SHISA9: variants seen among roughly 807,000 people sequenced by gnomAD.
SHISA9 encodes protein shisa-9.
SHISA9 carries 13 observed loss-of-function variants against 38.0 expected under a neutral mutation model. The observed-to-expected ratio is 0.34, with a 90% CI of 0.22 to 0.54. The LOEUF is 0.54. Ranked by LOEUF, SHISA9 falls within the 20% of genes least tolerant of loss-of-function variation. The probability of loss-of-function intolerance (pLI) is 0.91; values close to 1 mark genes in which losing one functional copy is unlikely to be tolerated. For missense variants in SHISA9, 538 were observed against 575.8 expected, an observed-to-expected ratio of 0.93 and a Z score of 0.67; for synonymous variants, 275 against 242.0, an observed-to-expected ratio of 1.14 and a Z score of -1.27.
chr16:13,403,970 A>G, the SHISA9 span, among the ~76,000 whole-genome samples: 1 of 152,160 alleles, frequency 6.6e-6, no homozygotes, highest in African/African-American at 2.4e-5. Flanking sequence ...TCAGAGTTTG[A>G]TGTTTCTTCT....
chr16:13,318,618 G>A, the SHISA9 span, among the ~76,000 whole-genome samples: 1 of 152,102 alleles, frequency 6.6e-6, no homozygotes, highest in African/African-American at 2.4e-5. Flanking sequence ...ACCGTGCCTG[G>A]CCCTCCAGAC....
At chr16:13,454,311 G>A in the SHISA9 span, among the ~76,000 whole-genome samples, 1 of 152,194 alleles carries the variant, frequency 6.6e-6, no homozygotes, top group African/African-American at 2.4e-5. Flanking sequence ...ATAGGCAGAA[G>A]GAAGAAGAGC....
chr16:13,495,801 A>G, the SHISA9 span, among the ~76,000 whole-genome samples: 1 of 152,190 alleles, frequency 6.6e-6, no homozygotes, highest in South Asian at 2.1e-4. Flanking sequence ...GCAAAGTTAA[A>G]TCTACATTGA....
the SHISA9 span, among the ~76,000 whole-genome samples, chr16:13,277,194 C>T: frequency 6.6e-6 from 1 of 151,762 alleles, no homozygotes; most frequent in African/African-American, 2.4e-5. Flanking sequence ...CTTTATGATT[C>T]TATTTGCTTT....
At chr16:13,130,426 T>C (rs2050296614) in intron 2 of SHISA9, among the ~76,000 whole-genome samples, 1 of 152,114 alleles carries the variant, frequency 6.6e-6, no homozygotes. Context: ...GTTTGTTTGT[T>C]TGTTTTGTTA....
the SHISA9 span, among the ~76,000 whole-genome samples, chr16:13,367,687 C>T: frequency 3.5e-4 from 48 of 136,644 alleles, no homozygotes; most frequent in Non-Finnish European, 5.1e-4. Context: ...GAAGTGTACA[C>T]GCGTGTGCGT....
chr16:13,289,928 G>T, the SHISA9 span, among the ~76,000 whole-genome samples: 1 of 152,168 alleles, frequency 6.6e-6, no homozygotes, highest in African/African-American at 2.4e-5. Flanking sequence ...ACATCACTAG[G>T]TATGGTGATT....
chr16:13,518,945 T>G, the SHISA9 span, among the ~76,000 whole-genome samples: 1 of 152,162 alleles, frequency 6.6e-6, no homozygotes, highest in African/African-American at 2.4e-5. Context: ...GGAAACCCAC[T>G]TCCACAATAA....
At chr16:13,153,313 G>A (rs153081) in intron 2 of SHISA9, among the ~76,000 whole-genome samples, 43,937 of 151,922 alleles carry the variant, frequency 0.29, 6,816 homozygotes, top group African/African-American at 0.41. Flanking sequence ...AATAGAGTGT[G>A]CCTTTAAATG....
rs144254078 is a variant in SHISA9 at position 13,123,287 on chromosome 16, A to T, written c.692-80107A>T. ...TGGGAAGCGGGGCAGGCAGGAAGAG[A>T]CTTTGTTATTCAACAAGGATAAATT... On this transcript the variant is annotated intron_variant, in intron 2 of 4. Coordinates refer to ENST00000558583, the MANE Select transcript of SHISA9 (RefSeq NM_001145204.3). Among the ~76,000 whole-genome samples the T allele has an allele frequency of 4.3e-3, 648 of 152,358 alleles. 7 individuals are homozygous for T. Among genetic ancestry groups the T allele is most frequent in the East Asian group, 0.022 (113 of 5,190 alleles).
At chr16:13,516,344 T>C in the SHISA9 span, among the ~76,000 whole-genome samples, 20,690 of 152,244 alleles carry the variant, frequency 0.14, 1,766 homozygotes, top group African/African-American at 0.24. Flanking sequence ...AGAAAGAACA[T>C]GTTTTTAAAT....
At chr16:12,989,757 C>A (rs2072360226) in intron 2 of SHISA9, among the ~76,000 whole-genome samples, 1 of 151,936 alleles carries the variant, frequency 6.6e-6, no homozygotes, top group African/African-American at 2.4e-5. Context: ...ATGAACACAC[C>A]ATGAATTGTT....
intron 2 of SHISA9, among the ~76,000 whole-genome samples, chr16:12,928,078 G>C (rs1393872277): frequency 6.6e-6 from 1 of 152,156 alleles, no homozygotes. Flanking sequence ...AACAATTTAG[G>C]TTAGAAGTAG....
At chr16:12,939,088 CCTTTT>C (rs2071574431) in intron 2 of SHISA9, among the ~76,000 whole-genome samples, 1 of 151,824 alleles carries the variant, frequency 6.6e-6, no homozygotes, top group Non-Finnish European at 1.5e-5. Flanking sequence ...TCTCTCCTCT[CCTTTT>C]CTTTCCTTCT....
the SHISA9 span, among the ~76,000 whole-genome samples, chr16:13,451,191 G>T: frequency 6.6e-6 from 1 of 152,148 alleles, no homozygotes; most frequent in African/African-American, 2.4e-5. Flanking sequence ...TTCCATGCTG[G>T]CTCTTGGAGT....
the SHISA9 span, among the ~76,000 whole-genome samples, chr16:13,351,258 T>G: frequency 6.6e-6 from 1 of 152,158 alleles, no homozygotes. Context: ...TGTTCTTCTC[T>G]GACCCAAAGG....
chr16:13,000,912 T>G (rs35314171), intron 2 of SHISA9, among the ~76,000 whole-genome samples: 29,523 of 152,114 alleles, frequency 0.19, 3,620 homozygotes, highest in Middle Eastern at 0.33. Flanking sequence ...GCAACTGCCC[T>G]CATCTTGGGT....
At chr16:13,276,035 A>G in the SHISA9 span, among the ~76,000 whole-genome samples, 1 of 152,004 alleles carries the variant, frequency 6.6e-6, no homozygotes, top group Non-Finnish European at 1.5e-5. Context: ...TGCGAGCAGT[A>G]TACACTGGAC....
At chr16:13,366,620 A>G in the SHISA9 span, among the ~76,000 whole-genome samples, 1 of 151,916 alleles carries the variant, frequency 6.6e-6, no homozygotes. Context: ...AAGCAAGAGG[A>G]TTGCTTGAGC....
Sources: gnomAD v4.1 joint callset for allele counts (sites outside exome capture counted in the v4.1 genomes callset) on GRCh38, gnomAD v4.1.1 for gene constraint, MANE v1.5 for transcripts, NCBI Gene and HGNC (gene_info 2026-07-23, HGNC 2026-07-21) for gene names.